FBXL20: variants seen among roughly 807,000 people sequenced by gnomAD.
FBXL20 encodes the protein F-box and leucine rich repeat protein 20.
Under a neutral mutation model 64.0 loss-of-function variants are expected in FBXL20, and 11 were observed. That is an observed-to-expected ratio of 0.17 (90% CI 0.11 to 0.28). The LOEUF is 0.28. Among genes scored for constraint, FBXL20 ranks in the 10% least tolerant of loss-of-function variants. The probability of loss-of-function intolerance (pLI) is 1.00; values close to 1 mark genes in which losing one functional copy is unlikely to be tolerated. For synonymous variants in FBXL20, 184 were observed against 189.0 expected (o/e 0.97, Z 0.22); for missense variants, 303 against 526.2 (o/e 0.58, Z 4.15).
At chr17:39,276,327 G>A (rs1346407087) in intron 9 of FBXL20, among the ~76,000 whole-genome samples, 8 of 150,450 alleles carry the variant, frequency 5.3e-5, no homozygotes, top group Non-Finnish European at 1.2e-4. Flanking sequence ...AGAAAAGAAA[G>A]GGAAGGAAGG....
At chr17:39,390,676 C>T (rs1157824557) in intron 1 of FBXL20, among the ~76,000 whole-genome samples, 1 of 152,036 alleles carries the variant, frequency 6.6e-6, no homozygotes, top group Non-Finnish European at 1.5e-5. Context: ...GCAGTGAGCC[C>T]TGATGTCACC....
intron 2 of FBXL20, among the ~76,000 whole-genome samples, chr17:39,331,111 CGTTTT>C (rs928327528): frequency 3.3e-5 from 5 of 152,110 alleles, no homozygotes; most frequent in Non-Finnish European, 7.4e-5. Context: ...TTTTTATTTT[CGTTTT>C]GTTTTGTTAA....
Position 39,261,048 on chromosome 17 carries a change from C to T in FBXL20, c.*412G>A, listed in dbSNP as rs1030541017. The stretch of plus-strand genomic sequence containing the variant: ...CTGGGTACATCATATATTGTCTTTC[C>T]ATGCTTTTCTTGACCCCGGAGGACA... On this transcript the variant is annotated 3_prime_UTR_variant, in exon 15 of 15. Transcript: ENST00000264658. 6.2e-5 allele frequency: 11 copies of T among 178,666 alleles called. No individual in the cohort carries two copies. Among genetic ancestry groups the T allele is most frequent in the Non-Finnish European group, 1.3e-4 (11 of 83,076 alleles). 11.1% of individuals were successfully genotyped at this position (178,666 alleles called of 1,614,324 possible). A position where few individuals can be genotyped will look rare whatever the true frequency, so the allele number is the denominator to read the frequency against.
intron 1 of FBXL20, among the ~76,000 whole-genome samples, chr17:39,368,038 A>G (rs1296987368): frequency 6.6e-6 from 1 of 151,964 alleles, no homozygotes; most frequent in Admixed American, 6.6e-5. Context: ...TCAGCCTCTC[A>G]AAGTGCTGGG....
chr17:39,326,162 G>T (rs1026753511), intron 2 of FBXL20, among the ~76,000 whole-genome samples: 1 of 151,732 alleles, frequency 6.6e-6, no homozygotes, highest in Non-Finnish European at 1.5e-5. Flanking sequence ...CTCACCAGGA[G>T]TAGACGCTAG....
At chr17:39,338,861 A>C (rs2047554597) in intron 2 of FBXL20, among the ~76,000 whole-genome samples, 1 of 152,242 alleles carries the variant, frequency 6.6e-6, no homozygotes, top group East Asian at 1.9e-4. Flanking sequence ...TTTAAAACTG[A>C]CCAATATTCT....
intron 2 of FBXL20, among the ~76,000 whole-genome samples, chr17:39,337,891 G>T (rs1183073899): frequency 6.6e-6 from 1 of 151,030 alleles, no homozygotes; most frequent in Non-Finnish European, 1.5e-5. Context: ...CGCCCGGCCA[G>T]CCACCCTATC....
At chr17:39,349,529 A>G (rs1318215893) in intron 1 of FBXL20, among the ~76,000 whole-genome samples, 1 of 151,926 alleles carries the variant, frequency 6.6e-6, no homozygotes, top group African/African-American at 2.4e-5. Flanking sequence ...TCAAGGATGC[A>G]GCAAGCAGTG....
intron 9 of FBXL20, 50 bp from the exon 10 acceptor site, chr17:39,275,150 C>T: frequency 6.5e-7 from 1 of 1,528,442 alleles, no homozygotes; most frequent in Non-Finnish European, 8.8e-7. Context: ...CTTAGCAAAA[C>T]AAAAAAAGAA....
chr17:39,256,320 C>T lies in FBXL20; in HGVS notation c.*5140G>A, dbSNP rs1463410576. Reference sequence around the variant, plus strand: ...TGGGTGACAGAGCGAGACTCCATGTCAAAAAAAAAAAAAAAAAAAAGAAAT... The same window carrying T: ...TGGGTGACAGAGCGAGACTCCATGTTAAAAAAAAAAAAAAAAAAAAGAAAT... On this transcript the variant is annotated 3_prime_UTR_variant, in exon 15 of 15. Transcript: ENST00000264658. 1.1e-5 allele frequency: 1 copy of T among 91,998 alleles called. No individual in the cohort carries two copies. The highest frequency in any genetic ancestry group is 4.1e-4 in the South Asian group (1 of 2,454). 5.7% of individuals were successfully genotyped at this position (91,998 alleles called of 1,614,324 possible). A position where few individuals can be genotyped will look rare whatever the true frequency, so the allele number is the denominator to read the frequency against.
intron 14 of FBXL20, among the ~76,000 whole-genome samples, chr17:39,263,500 G>A (rs1567854606): frequency 6.6e-6 from 1 of 152,084 alleles, no homozygotes; most frequent in African/African-American, 2.4e-5. Context: ...GGGTGACAGA[G>A]GAGACCCTGT....
Position 39,258,097 on chromosome 17 carries a change from A to G in FBXL20, c.*3363T>C, listed in dbSNP as rs1477990855. 3.9e-5 allele frequency: 6 copies of G among 152,162 alleles called. No individual in the cohort carries two copies. Among genetic ancestry groups the G allele is most frequent in the Non-Finnish European group, 7.4e-5 (5 of 68,020 alleles). 9.4% of individuals were successfully genotyped at this position (152,162 alleles called of 1,614,324 possible). A position where few individuals can be genotyped will look rare whatever the true frequency, so the allele number is the denominator to read the frequency against. On this transcript the variant is annotated 3_prime_UTR_variant, in exon 15 of 15. Transcript: ENST00000264658. ...GAGGGTACCTTCTAACTTATCCCCA[A>G]ATCTCTTCTCTCTGTTCACTGTTTT... is the stretch of plus-strand genomic sequence containing the variant.
At chr17:39,324,008 A>ACCCCCCCCCCCCCCCCCCC (rs138382317) in intron 2 of FBXL20, among the ~76,000 whole-genome samples, 1 of 129,042 alleles carries the variant, frequency 7.7e-6, no homozygotes, top group African/African-American at 3.4e-5. Flanking sequence ...TCGTGATCCA[A>ACCCCCCCCCCCCCCCCCCC]CCCCCTCCCC....
chr17:39,316,490 T>C (rs917239259), intron 2 of FBXL20, among the ~76,000 whole-genome samples: 1 of 152,074 alleles, frequency 6.6e-6, no homozygotes, highest in African/African-American at 2.4e-5. Flanking sequence ...CTGGAACACC[T>C]TGTGATAGAA....
At chr17:39,363,810 CA>C (rs71372113) in intron 1 of FBXL20, among the ~76,000 whole-genome samples, 43 of 26,666 alleles carry the variant, frequency 1.6e-3, no homozygotes, top group East Asian at 3.9e-3. Context: ...GACTTTATCT[CA>C]AAAAAAAAAA....
chr17:39,294,461 T>C (rs902715174), intron 6 of FBXL20, among the ~76,000 whole-genome samples: 1 of 151,610 alleles, frequency 6.6e-6, no homozygotes, highest in South Asian at 2.1e-4. Context: ...TTGTATTTTT[T>C]TGTAGAGGTG....
intron 2 of FBXL20, among the ~76,000 whole-genome samples, chr17:39,335,189 C>A (rs1597804459): frequency 6.6e-6 from 1 of 152,086 alleles, no homozygotes; most frequent in African/African-American, 2.4e-5. Context: ...TGATGTAATG[C>A]ATGTCTTAAC....
At chr17:39,334,661 A>C (rs2144549606) in intron 2 of FBXL20, among the ~76,000 whole-genome samples, 1 of 152,322 alleles carries the variant, frequency 6.6e-6, no homozygotes, top group Middle Eastern at 3.4e-3. Context: ...ATCCTTTAAA[A>C]AAATTTCATA....
At chr17:39,322,553 T>C (rs2047367077) in intron 2 of FBXL20, among the ~76,000 whole-genome samples, 1 of 152,180 alleles carries the variant, frequency 6.6e-6, no homozygotes, top group African/African-American at 2.4e-5. Flanking sequence ...TGGATCGTTA[T>C]ATTGAGTAGT....
Sources: gnomAD v4.1 joint callset for allele counts (sites outside exome capture counted in the v4.1 genomes callset) on GRCh38, gnomAD v4.1.1 for gene constraint, MANE v1.5 for transcripts, NCBI Gene and HGNC (gene_info 2026-07-23, HGNC 2026-07-21) for gene names.